Variants in KATNAL1 observed in about 807,000 individuals in gnomAD.
KATNAL1 encodes the protein katanin catalytic subunit A1 like 1, also known as katanin p60 ATPase-containing subunit A-like 1.
Under a neutral mutation model 55.2 loss-of-function variants are expected in KATNAL1, and 32 were observed. The ratio of observed to expected loss-of-function variants is 0.58; its 90% CI spans 0.44 to 0.78. KATNAL1 has a LOEUF of 0.78. Among genes scored for constraint, KATNAL1 ranks in the 30% least tolerant of loss-of-function variants. KATNAL1 has a pLI of 0.00. For missense variants in KATNAL1, 466 were observed against 600.9 expected (o/e 0.78, Z 2.35); for synonymous variants, 193 against 193.6 (o/e 1.00, Z 0.02).
chr13:30,292,642 C>G (rs1342707090), intron 1 of KATNAL1, among the ~76,000 whole-genome samples: 6 of 152,166 alleles, frequency 3.9e-5, no homozygotes, highest in Non-Finnish European at 8.8e-5. Context: ...CTCCCTTCAT[C>G]CTGGGGAGCC....
At chr13:30,254,771 C>T (rs770202941) in intron 4 of KATNAL1, among the ~76,000 whole-genome samples, 7 of 152,144 alleles carry the variant, frequency 4.6e-5, no homozygotes, top group Non-Finnish European at 1.0e-4. Context: ...AATACTATCA[C>T]TTAAAAATTT....
chr13:30,287,707 A>G (rs1881883000), intron 1 of KATNAL1, among the ~76,000 whole-genome samples: 1 of 152,242 alleles, frequency 6.6e-6, no homozygotes, highest in Non-Finnish European at 1.5e-5. Context: ...TAATTAATAA[A>G]TCCAGTAGAA....
chr13:30,239,685 A>ATT (rs35752433), intron 6 of KATNAL1, among the ~76,000 whole-genome samples: 1,292 of 99,014 alleles, frequency 0.013, 33 homozygotes, highest in African/African-American at 0.04. Flanking sequence ...TACAGAAGTG[A>ATT]TTTTTTTTTT....
At chr13:30,259,254 C>T (rs1253117715) in intron 3 of KATNAL1, among the ~76,000 whole-genome samples, 2 of 152,016 alleles carry the variant, frequency 1.3e-5, no homozygotes. Flanking sequence ...GCAGGAGAAT[C>T]ACTTGAATCT....
intron 3 of KATNAL1, among the ~76,000 whole-genome samples, chr13:30,274,908 C>CAT (rs2137517419): frequency 3.2e-5 from 1 of 31,490 alleles, no homozygotes; most frequent in African/African-American, 8.4e-5. Flanking sequence ...CGCGCGCGCG[C>CAT]ACACACACAC....
At chr13:30,301,706 T>C (rs1882866480) in intron 1 of KATNAL1, among the ~76,000 whole-genome samples, 1 of 152,192 alleles carries the variant, frequency 6.6e-6, no homozygotes, top group South Asian at 2.1e-4. Context: ...ACGCAGCTAA[T>C]CTAAAAATAA....
Position 30,231,363 on chromosome 13 carries a change from G to C in KATNAL1, c.836C>G (p.Ser279Cys). 6.2e-7 allele frequency: 1 copy of C among 1,609,242 alleles called. No individual in the cohort carries two copies. Among genetic ancestry groups the C allele is most frequent in the Non-Finnish European group, 8.5e-7 (1 of 1,177,694 alleles). ...FFNVSSSTLT[S>C]KYRGESEKLV... ...CTTCTCAGATTCACCTCTGTATTTA[G>C]ATGTCAGTGTAGAAGACGAAACGTT... The change falls in exon 7 of 11, where the codon TCT becomes TGT. Residue 279 changes from serine to cysteine, a missense_variant. Physicochemically the swap from Ser to Cys is moderately radical, Grantham distance 112 (BLOSUM62 -1). This residue lies in a region of KATNAL1 where 213 missense variants were observed against 308.6 expected (regional missense o/e 0.69). Transcript: ENST00000380615.
At chr13:30,305,449 A>C (rs1883119137) in intron 1 of KATNAL1, among the ~76,000 whole-genome samples, 1 of 152,226 alleles carries the variant, frequency 6.6e-6, no homozygotes, top group African/African-American at 2.4e-5. Flanking sequence ...GCCTCCCCTG[A>C]CTTCCTTAGA....
chr13:30,240,825 G>A (rs202095), intron 5 of KATNAL1, 134 bp downstream of exon 5: 290,766 of 870,458 alleles, frequency 0.33, 50,004 homozygotes, highest in Admixed American at 0.49. Context: ...GAACTGTCTC[G>A]TCAATTCTAT....
rs869302183 is a variant in KATNAL1 at position 30,285,325 on chromosome 13, AC to A, written c.-14-1535del. ...AATCTCACCTTAAATTGTAATAATC[AC>A]CACGTGTCAAGGGCAGGACCACGTG... On this transcript the variant is annotated intron_variant, in intron 1 of 10. Transcript: ENST00000380615. Among the ~76,000 whole-genome samples, 3 of 35,364 alleles carry A rather than the reference AC, an allele frequency of 8.5e-5. No homozygotes were observed. In the East Asian group the frequency reaches 1.9e-3, roughly 23 times the overall value. 23.2% of individuals were successfully genotyped at this position (35,364 alleles called of 152,430 possible).
intron 4 of KATNAL1, among the ~76,000 whole-genome samples, chr13:30,244,201 T>G (rs1877557959): frequency 6.6e-6 from 1 of 151,972 alleles, no homozygotes; most frequent in Non-Finnish European, 1.5e-5. Flanking sequence ...TGTTCCTGTG[T>G]TAGTTTGCTG....
At chr13:30,219,056 A>G (rs74043063) in intron 9 of KATNAL1, among the ~76,000 whole-genome samples, 13,033 of 152,288 alleles carry the variant, frequency 0.086, 595 homozygotes, top group African/African-American at 0.11. Context: ...ATCTAATTAC[A>G]TTAGATGGCT....
intron 3 of KATNAL1, among the ~76,000 whole-genome samples, chr13:30,273,913 A>C (rs1278753419): frequency 6.7e-6 from 1 of 149,978 alleles, no homozygotes; most frequent in East Asian, 1.9e-4. Flanking sequence ...TGTGTATCTC[A>C]TTAATCACCA....
intron 3 of KATNAL1, among the ~76,000 whole-genome samples, chr13:30,262,408 C>CA (rs1390428152): frequency 6.6e-6 from 1 of 151,848 alleles, no homozygotes; most frequent in Non-Finnish European, 1.5e-5. Context: ...AAAAACCCTT[C>CA]AAAAAATTAA....
chr13:30,275,329 T>C (rs1483527801), intron 3 of KATNAL1, among the ~76,000 whole-genome samples: 2 of 152,198 alleles, frequency 1.3e-5, no homozygotes, highest in Non-Finnish European at 2.9e-5. Flanking sequence ...AGATCTCATG[T>C]GAACTGAGCA....
chr13:30,291,585 A>C (rs1344221485), intron 1 of KATNAL1, among the ~76,000 whole-genome samples: 2 of 152,210 alleles, frequency 1.3e-5, no homozygotes, highest in East Asian at 3.8e-4. Context: ...CTTACATGGA[A>C]ATGAAAGAAC....
At chr13:30,302,588 AG>A (rs1172740749) in intron 1 of KATNAL1, among the ~76,000 whole-genome samples, 2 of 152,006 alleles carry the variant, frequency 1.3e-5, no homozygotes, top group African/African-American at 4.9e-5. Context: ...ACGAGAATAA[AG>A]GAACAACTTA....
chr13:30,293,008 T>G (rs7322430), intron 1 of KATNAL1, among the ~76,000 whole-genome samples: 8,965 of 152,294 alleles, frequency 0.059, 391 homozygotes, highest in East Asian at 0.25. Context: ...TTTCTAAAAT[T>G]TTTGATGATA....
rs990666926 is a variant in KATNAL1 at position 30,202,936 on chromosome 13, T to A, written c.*5604A>T. 1 of 152,212 alleles carries A rather than the reference T, an allele frequency of 6.6e-6. No homozygotes were observed. The highest frequency in any genetic ancestry group is 1.5e-5 in the Non-Finnish European group (1 of 68,028). The allele number at this position is 152,212 out of a possible 1,614,324, so 9.4% of individuals were successfully genotyped here. On this transcript the variant is annotated 3_prime_UTR_variant, in exon 11 of 11. Coordinates refer to ENST00000380615, the MANE Select transcript of KATNAL1 (RefSeq NM_032116.5). Reference sequence around the variant, plus strand: ...CCGTACCATCATATGAATATACATTTGTCAGTAAAAATGTGACAAAAATGT... The same window carrying A: ...CCGTACCATCATATGAATATACATTAGTCAGTAAAAATGTGACAAAAATGT...
Sources: allele counts gnomAD v4.1 joint callset (sites outside exome capture counted in the v4.1 genomes callset), GRCh38; gene constraint gnomAD v4.1.1; regional missense constraint gnomAD v4.1.1; transcripts MANE v1.5; gene names NCBI Gene and HGNC (gene_info 2026-07-23, HGNC 2026-07-21).